MCTP2: variants seen among roughly 807,000 people sequenced by gnomAD.
MCTP2 encodes the protein multiple C2 and transmembrane domain-containing protein 2.
In MCTP2, 132 loss-of-function variants were observed where a neutral mutation model predicts 111.6. That is an observed-to-expected ratio of 1.18 (90% CI 1.03 to 1.37). The LOEUF is 1.37. MCTP2 is among the 40% of genes most tolerant of loss of function. MCTP2 has a pLI of 0.00. For synonymous variants in MCTP2, 395 were observed against 387.7 expected (o/e 1.02, Z -0.22); for missense variants, 1,183 against 1,067.9 (o/e 1.11, Z -1.50).
At position 94,426,462 on chromosome 15, in the gene MCTP2, T is replaced by A. The variant is rs540963773; in HGVS notation, c.2086-13714T>A. 5.9e-5 allele frequency among the ~76,000 whole-genome samples: 9 copies of A among 152,270 alleles called. No homozygotes were observed. The East Asian group carries it at 1.7e-3, about 29-fold the overall frequency. On this transcript the variant is annotated intron_variant, in intron 17 of 22. Transcript: ENST00000357742. ...TATTAATTTAATTCCCTACTCCAAA[T>A]CACAAATTCTCTCTTTTGCTTGATC...
intron 8 of MCTP2, among the ~76,000 whole-genome samples, chr15:94,351,600 A>G (rs1042237465): frequency 2.4e-4 from 36 of 152,194 alleles, no homozygotes; most frequent in African/African-American, 8.0e-4. Flanking sequence ...TGGCACCACG[A>G]GAACACTGAT....
intron 11 of MCTP2, 26 bp downstream of exon 11, chr15:94,367,817 T>TC (rs1218490483): frequency 6.5e-7 from 1 of 1,548,050 alleles, no homozygotes. Context: ...TATTGTACAC[T>TC]CCCCCTCCTC....
At position 94,244,421 on chromosome 15, in the gene MCTP2, CAT is replaced by C. The variant is rs752068833; in HGVS notation, c.-66+12759_-66+12760del. Among the ~76,000 whole-genome samples, 6 of 148,730 alleles carry C rather than the reference CAT, an allele frequency of 4.0e-5. No homozygotes were observed. The South Asian group carries it at 6.4e-4, about 16-fold the overall frequency. On this transcript the variant is annotated intron_variant, in intron 1 of 22. Coordinates refer to ENST00000357742, the MANE Select transcript of MCTP2 (RefSeq NM_001385001.1). ...ATATTTATATTCGTATATGTATACA[CAT>C]ACATATGCACCTATGTTTATATACG...
At chr15:94,426,548 T>C (rs2082902160) in intron 17 of MCTP2, among the ~76,000 whole-genome samples, 1 of 152,156 alleles carries the variant, frequency 6.6e-6, no homozygotes, top group African/African-American at 2.4e-5. Flanking sequence ...TCTAGGTGTT[T>C]ATTTGACTCT....
chr15:94,453,611 T>C (rs2084608673), intron 19 of MCTP2, among the ~76,000 whole-genome samples: 2 of 152,262 alleles, frequency 1.3e-5, no homozygotes, highest in African/African-American at 2.4e-5. Flanking sequence ...ACTCTTAGAA[T>C]ATACTATTTT....
chr15:94,357,470 T>C (rs1230638933), intron 9 of MCTP2, among the ~76,000 whole-genome samples: 1 of 152,136 alleles, frequency 6.6e-6, no homozygotes, highest in Non-Finnish European at 1.5e-5. Context: ...AGGTGAAGTG[T>C]AGAATTAGTT....
intron 20 of MCTP2, among the ~76,000 whole-genome samples, chr15:94,462,327 G>A (rs114460194): frequency 2.5e-4 from 38 of 152,302 alleles, no homozygotes; most frequent in African/African-American, 8.7e-4. Context: ...CATTAATGGC[G>A]AAGTTAGTCA....
At chr15:94,264,110 T>A (rs1044656314) in intron 1 of MCTP2, among the ~76,000 whole-genome samples, 5 of 152,156 alleles carry the variant, frequency 3.3e-5, no homozygotes, top group African/African-American at 1.2e-4. Context: ...AACAAGTGAA[T>A]CACCTTTGCC....
intron 1 of MCTP2, among the ~76,000 whole-genome samples, chr15:94,235,260 A>G (rs1207393013): frequency 1.3e-5 from 2 of 151,880 alleles, no homozygotes; most frequent in African/African-American, 4.8e-5. Flanking sequence ...GTCTCAAAAA[A>G]AAAAAAAAAT....
chr15:94,444,110 A>T (rs1442139333), intron 19 of MCTP2, among the ~76,000 whole-genome samples: 2 of 151,982 alleles, frequency 1.3e-5, no homozygotes, highest in African/African-American at 4.8e-5. Flanking sequence ...GGTTCCCACA[A>T]CCCCTTTCTT....
At chr15:94,463,356 TG>T (rs1168590856) in intron 20 of MCTP2, among the ~76,000 whole-genome samples, 1 of 152,200 alleles carries the variant, frequency 6.6e-6, no homozygotes, top group East Asian at 1.9e-4. Context: ...CTTGATAGTG[TG>T]GTGCTAGTTT....
intron 12 of MCTP2, among the ~76,000 whole-genome samples, chr15:94,371,661 T>C (rs868655988): frequency 6.6e-6 from 1 of 152,156 alleles, no homozygotes; most frequent in Non-Finnish European, 1.5e-5. Flanking sequence ...TGAAGGCTTG[T>C]TTACAACAAC....
chr15:94,465,378 G>A (rs534031947), intron 20 of MCTP2, among the ~76,000 whole-genome samples: 1 of 152,162 alleles, frequency 6.6e-6, no homozygotes, highest in South Asian at 2.1e-4. Context: ...CTATGATAAA[G>A]TTTACTTTAT....
At chr15:94,324,373 T>C (rs1230139762) in intron 4 of MCTP2, among the ~76,000 whole-genome samples, 1 of 152,246 alleles carries the variant, frequency 6.6e-6, no homozygotes, top group African/African-American at 2.4e-5. Context: ...AGTTTACCAC[T>C]GTGGGCTGAG....
chr15:94,369,510 T>C (rs928886011), intron 11 of MCTP2, among the ~76,000 whole-genome samples: 17 of 152,202 alleles, frequency 1.1e-4, no homozygotes, highest in Non-Finnish European at 2.9e-5. Context: ...CTTTGGCTGG[T>C]ACAAACTCAA....
In MCTP2 at chr15:94,367,721, T is replaced by A. The variant is rs1596486901; in HGVS notation, c.1418T>A (p.Val473Asp). Residue 473 changes from valine (V) to aspartate (D), a missense_variant, in exon 11 of 23, where the codon GTC becomes GAC. By Grantham distance (152) the Val-to-Asp change is radical. Transcript: ENST00000357742. ...GTCACACTTACACCCTGTGCGGGGG[T>A]CTCCGTCTCTGATCTGTGTGTCTGC... ...MLVTLTPCAGVSVSDLCVCPL... is the reference protein window; with the variant it reads ...MLVTLTPCAGDSVSDLCVCPL... The A allele has an allele frequency of 6.2e-7, 1 of 1,608,668 alleles. No individual in the cohort carries two copies. Among genetic ancestry groups the A allele is most frequent in the East Asian group, 2.3e-5 (1 of 44,328 alleles).
intron 1 of MCTP2, among the ~76,000 whole-genome samples, chr15:94,263,966 T>G (rs1195480552): frequency 6.6e-6 from 1 of 152,214 alleles, no homozygotes; most frequent in Non-Finnish European, 1.5e-5. Flanking sequence ...CTGGTAGATA[T>G]GAGTAGATTC....
chr15:94,342,745 TAC>T (rs941182607), intron 7 of MCTP2: 5 of 151,054 alleles, frequency 3.3e-5, no homozygotes, highest in Non-Finnish European at 5.9e-5. Context: ...TATTTATATA[TAC>T]ACACACATAT....
chr15:94,277,439 G>GTTTA (rs1306968815), intron 1 of MCTP2, among the ~76,000 whole-genome samples: 1 of 152,098 alleles, frequency 6.6e-6, no homozygotes, highest in Non-Finnish European at 1.5e-5. Flanking sequence ...TTCTTCAGTA[G>GTTTA]TCAAATGGAT....
Sources: gnomAD v4.1 joint callset for allele counts (sites outside exome capture counted in the v4.1 genomes callset) on GRCh38, gnomAD v4.1.1 for gene constraint, MANE v1.5 for transcripts, NCBI Gene and HGNC (gene_info 2026-07-23, HGNC 2026-07-21) for gene names.